The following ZNF735 variants were observed in gnomAD, a reference collection of about 807,000 sequenced individuals.
ZNF735 encodes the protein putative zinc finger protein 735.
In ZNF735, 11 loss-of-function variants were observed where a neutral mutation model predicts 13.4. The observed-to-expected ratio is 0.82, with a 90% CI of 0.52 to 1.36. The LOEUF is 1.36. Among genes scored for constraint, ZNF735 ranks in the 40% most tolerant of loss-of-function variants. The pLI is 0.00. For missense variants in ZNF735, 500 were observed against 484.6 expected (o/e 1.03, Z -0.30); for synonymous variants, 171 against 162.6 (o/e 1.05, Z -0.39).
chr7:64,219,856 T>A, exon 4 of ZNF735: 1 of 1,613,888 alleles, frequency 6.2e-7, no homozygotes, highest in Non-Finnish European at 8.5e-7. Context: ...AGAGAAACCC[T>A]ACGCATGTGA....
chr7:64,214,248 AT>A, intron 3 of ZNF735, 140 bp downstream of exon 3: 53 of 913,794 alleles, frequency 5.8e-5, no homozygotes, highest in South Asian at 7.8e-5. Context: ...TTTATTTTTT[AT>A]TTTTTTTATT....
intron 3 of ZNF735, among the ~76,000 whole-genome samples, chr7:64,215,255 G>A (rs559391252): frequency 2.1e-4 from 32 of 151,860 alleles, no homozygotes; most frequent in African/African-American, 5.8e-4. Flanking sequence ...GATGGGTTTC[G>A]CCATGTTGGT....
intron 1 of ZNF735, among the ~76,000 whole-genome samples, chr7:64,209,373 G>T: frequency 6.7e-6 from 1 of 149,706 alleles, no homozygotes; most frequent in Non-Finnish European, 1.5e-5. Context: ...TTTTGAGACG[G>T]AGCTTCGCTT....
At chr7:64,212,313 G>T (rs1346313763) in intron 1 of ZNF735, among the ~76,000 whole-genome samples, 2 of 152,116 alleles carry the variant, frequency 1.3e-5, no homozygotes, top group African/African-American at 4.8e-5. Flanking sequence ...TAGAAACATT[G>T]GTGAACTTGC....
intron 1 of ZNF735, among the ~76,000 whole-genome samples, chr7:64,207,793 C>T (rs1425215725): frequency 1.3e-5 from 2 of 152,184 alleles, no homozygotes; most frequent in Non-Finnish European, 1.5e-5. Context: ...TCGAGACCAG[C>T]ATGACCAACA....
chr7:64,209,615 G>A (rs1316257138), intron 1 of ZNF735, among the ~76,000 whole-genome samples: 1 of 152,148 alleles, frequency 6.6e-6, no homozygotes, highest in Non-Finnish European at 1.5e-5. Flanking sequence ...GTGAGCCGCA[G>A]TGCATGGCCT....
At chr7:64,208,294 G>C (rs1290109548) in intron 1 of ZNF735, among the ~76,000 whole-genome samples, 2 of 116,538 alleles carry the variant, frequency 1.7e-5, no homozygotes, top group Non-Finnish European at 3.3e-5. Flanking sequence ...GTCTCACTCT[G>C]TCCTCCAGGC....
intron 1 of ZNF735, among the ~76,000 whole-genome samples, chr7:64,207,933 G>A (rs1391075263): frequency 6.6e-6 from 1 of 151,870 alleles, no homozygotes; most frequent in Non-Finnish European, 1.5e-5. Context: ...GTTGCAGTGA[G>A]CCGAGATCGC....
At chr7:64,211,873 A>G (rs1584213406) in intron 1 of ZNF735, among the ~76,000 whole-genome samples, 2 of 95,384 alleles carry the variant, frequency 2.1e-5, no homozygotes, top group Admixed American at 2.4e-4. Flanking sequence ...CTCAAAAAAA[A>G]AAGAAAAAAG....
chr7:64,210,246 T>G (rs1787339873), intron 1 of ZNF735, among the ~76,000 whole-genome samples: 1 of 152,216 alleles, frequency 6.6e-6, no homozygotes, highest in Non-Finnish European at 1.5e-5. Flanking sequence ...ACTCAGATAT[T>G]GCTGCCTTCT....
intron 1 of ZNF735, among the ~76,000 whole-genome samples, chr7:64,212,653 C>T (rs1172543360): frequency 1.2e-4 from 18 of 151,886 alleles, no homozygotes; most frequent in African/African-American, 3.4e-4. Context: ...ATTAGCCAGG[C>T]GTGGTGGCCC....
At chr7:64,210,835 G>A (rs192568963) in intron 1 of ZNF735, among the ~76,000 whole-genome samples, 2 of 152,218 alleles carry the variant, frequency 1.3e-5, no homozygotes, top group Non-Finnish European at 2.9e-5. Context: ...CCTTGGGTGT[G>A]TGTGGTGGTA....
chr7:64,214,427 A>C (rs1360442183), intron 3 of ZNF735, among the ~76,000 whole-genome samples: 2 of 152,080 alleles, frequency 1.3e-5, no homozygotes, highest in Non-Finnish European at 2.9e-5. Context: ...TTTTGGGGAC[A>C]CACTAATATC....
At chr7:64,220,036 G>A in exon 4 of ZNF735, 1 of 1,612,706 alleles carries the variant, frequency 6.2e-7, no homozygotes, top group Admixed American at 1.7e-5. Flanking sequence ...CACATGTGAA[G>A]AATGTGGCAA....
At chr7:64,211,970 A>G (rs1330365677) in intron 1 of ZNF735, among the ~76,000 whole-genome samples, 4 of 151,660 alleles carry the variant, frequency 2.6e-5, no homozygotes, top group African/African-American at 9.7e-5. Context: ...CACAGCAGTG[A>G]TGTTGTGTTG....
intron 1 of ZNF735, among the ~76,000 whole-genome samples, chr7:64,208,002 A>C (rs2116474704): frequency 6.6e-6 from 1 of 151,852 alleles, no homozygotes; most frequent in East Asian, 1.9e-4. Context: ...AAAAAAGAAG[A>C]ACCATAGAGC....
intron 1 of ZNF735, among the ~76,000 whole-genome samples, chr7:64,208,593 G>A (rs1315586308): frequency 1.3e-5 from 2 of 151,922 alleles, no homozygotes; most frequent in African/African-American, 2.4e-5. Flanking sequence ...TTAGGTTCAG[G>A]AGTACATGTG....
chr7:64,219,778 T>A, exon 4 of ZNF735: 7 of 1,611,808 alleles, frequency 4.3e-6, no homozygotes, highest in Non-Finnish European at 5.9e-6. Context: ...ACCCTACAGA[T>A]GTGAGGAATG....
At chr7:64,207,291 C>A in intron 1 of ZNF735, 50 bp downstream of exon 1, 1 of 1,614,132 alleles carries the variant, frequency 6.2e-7, no homozygotes, top group South Asian at 1.1e-5. Flanking sequence ...GTGGTTGGAA[C>A]CGGCTGAAAG....
Sources: gnomAD v4.1 joint callset for allele counts (sites outside exome capture counted in the v4.1 genomes callset) on GRCh38, gnomAD v4.1.1 for gene constraint, MANE v1.5 for transcripts, NCBI Gene and HGNC (gene_info 2026-07-23, HGNC 2026-07-21) for gene names.